Variants in SNX13 observed in about 807,000 individuals in gnomAD.
The protein encoded by SNX13 is sorting nexin 13.
In SNX13, 45 loss-of-function variants were observed where a neutral mutation model predicts 133.6. The observed-to-expected ratio is 0.34, with a 90% CI of 0.27 to 0.43. The LOEUF is 0.43. Among genes scored for constraint, SNX13 ranks in the 20% least tolerant of loss-of-function variants. SNX13 has a pLI of 1.00. For synonymous variants in SNX13, 414 were observed against 373.9 expected (o/e 1.11, Z -1.24); for missense variants, 1,032 against 1,145.1 (o/e 0.90, Z 1.43).
At chr7:17,919,988 G>T (rs1799954474) in intron 1 of SNX13, among the ~76,000 whole-genome samples, 1 of 151,844 alleles carries the variant, frequency 6.6e-6, no homozygotes, top group African/African-American at 2.4e-5. Context: ...TTAAATTAAT[G>T]AATGAGTAAA....
chr7:17,894,305 A>G (rs1796969372), intron 2 of SNX13, among the ~76,000 whole-genome samples: 1 of 152,162 alleles, frequency 6.6e-6, no homozygotes, highest in Non-Finnish European at 1.5e-5. Flanking sequence ...CAAAAAAAAA[A>G]AGAAAAGAAA....
chr7:17,851,443 G>T (rs1038644401), intron 9 of SNX13, among the ~76,000 whole-genome samples: 6 of 152,128 alleles, frequency 3.9e-5, no homozygotes, highest in Non-Finnish European at 7.4e-5. Context: ...GCCAAAATCA[G>T]AAAAAAGGAC....
chr7:17,885,478 T>C (rs781054332), intron 5 of SNX13, among the ~76,000 whole-genome samples: 1 of 152,186 alleles, frequency 6.6e-6, no homozygotes, highest in Admixed American at 6.5e-5. Context: ...AACTGTATAG[T>C]TTGTGAATTG....
Position 17,891,595 on chromosome 7 carries a change from A to G in SNX13, c.269T>C (p.Ile90Thr), listed in dbSNP as rs1796632379. 3.1e-6 allele frequency: 5 copies of G among 1,612,606 alleles called. No individual in the cohort carries two copies. Among genetic ancestry groups the G allele is most frequent in the Non-Finnish European group, 4.2e-6 (5 of 1,179,056 alleles). Residue 90 changes from isoleucine (I) to threonine (T), a missense_variant, in exon 4 of 26, where the codon ATT (isoleucine) becomes ACT (threonine). Coordinates refer to ENST00000428135, the MANE Select transcript of SNX13 (RefSeq NM_015132.5). The part of the protein sequence containing the change: ...EMKREARTIK[I>T]DRRLTGANII... ...ATTGGCACCCGTCAATCTTCTATCA[A>G]TCTTAATAGTCCTGGCTTCCCGTTT...
At chr7:17,886,871 T>C (rs532889469) in intron 5 of SNX13, among the ~76,000 whole-genome samples, 2 of 152,052 alleles carry the variant, frequency 1.3e-5, no homozygotes, top group East Asian at 1.9e-4. Flanking sequence ...GTTCACTCTA[T>C]CGCTACATGA....
intron 1 of SNX13, among the ~76,000 whole-genome samples, chr7:17,935,523 A>ATGTTAT (rs1491006860): frequency 1.3e-5 from 2 of 152,290 alleles, no homozygotes; most frequent in East Asian, 3.9e-4. Context: ...TCAAGGTGAT[A>ATGTTAT]TGTTATTCAG....
intron 1 of SNX13, among the ~76,000 whole-genome samples, chr7:17,931,239 C>T (rs1482074847): frequency 1.3e-5 from 2 of 152,140 alleles, no homozygotes; most frequent in African/African-American, 4.8e-5. Context: ...GAGAAAAATT[C>T]TGAGAAAACA....
chr7:17,820,402 G>A (rs1420385473), intron 18 of SNX13, among the ~76,000 whole-genome samples: 2 of 152,060 alleles, frequency 1.3e-5, no homozygotes, highest in Non-Finnish European at 2.9e-5. Flanking sequence ...TTTCTTCAAT[G>A]TGGGGCAGAA....
chr7:17,902,242 GTTTTTTTTTT>G (rs71010277), intron 1 of SNX13, among the ~76,000 whole-genome samples: 2 of 120,340 alleles, frequency 1.7e-5, no homozygotes, highest in South Asian at 2.9e-4. Flanking sequence ...TACTGTCATG[GTTTTTTTTTT>G]TTTTTTTTTT....
intron 7 of SNX13, among the ~76,000 whole-genome samples, chr7:17,874,157 T>C (rs1794427744): frequency 1.3e-5 from 2 of 152,306 alleles, no homozygotes; most frequent in East Asian, 1.9e-4. Flanking sequence ...AATTGACCCT[T>C]GAACAAAGAG....
chr7:17,805,392 T>C (rs186697822), intron 20 of SNX13, among the ~76,000 whole-genome samples: 347 of 152,230 alleles, frequency 2.3e-3, no homozygotes, highest in African/African-American at 6.3e-3. Flanking sequence ...TAATAACATA[T>C]AAATAAGCTA....
At chr7:17,815,998 T>C (rs1786610146) in intron 19 of SNX13, among the ~76,000 whole-genome samples, 184 bp downstream of exon 19, 1 of 152,156 alleles carries the variant, frequency 6.6e-6, no homozygotes, top group Non-Finnish European at 1.5e-5. Context: ...AATCAATACA[T>C]ACAGAAATAA....
intron 1 of SNX13, among the ~76,000 whole-genome samples, chr7:17,926,496 GA>G (rs762178187): frequency 6.6e-6 from 1 of 152,048 alleles, no homozygotes; most frequent in Non-Finnish European, 1.5e-5. Flanking sequence ...AACAAAATCA[GA>G]AAGTATACAT....
At chr7:17,907,772 G>A (rs985060208) in intron 1 of SNX13, among the ~76,000 whole-genome samples, 1 of 152,030 alleles carries the variant, frequency 6.6e-6, no homozygotes, top group Non-Finnish European at 1.5e-5. Context: ...AAATAAAAGG[G>A]ACCAAGAAAA....
intron 17 of SNX13, among the ~76,000 whole-genome samples, chr7:17,825,759 G>T (rs1036804618): frequency 6.6e-6 from 1 of 152,114 alleles, no homozygotes; most frequent in Non-Finnish European, 1.5e-5. Flanking sequence ...AAGAGGAAAA[G>T]AATGGTTTTA....
intron 1 of SNX13, among the ~76,000 whole-genome samples, chr7:17,934,377 T>A (rs972153918): frequency 1.3e-5 from 2 of 152,174 alleles, no homozygotes; most frequent in Admixed American, 6.5e-5. Context: ...GGTGGATAAT[T>A]TTAGATGTCA....
intron 9 of SNX13, among the ~76,000 whole-genome samples, chr7:17,858,869 G>C (rs1462203684): frequency 6.6e-6 from 1 of 152,080 alleles, no homozygotes; most frequent in Non-Finnish European, 1.5e-5. Context: ...TTATGAAAAA[G>C]TCTTTTCAAC....
intron 1 of SNX13, among the ~76,000 whole-genome samples, chr7:17,930,027 T>G (rs1351542683): frequency 2.0e-5 from 3 of 152,038 alleles, no homozygotes; most frequent in Non-Finnish European, 4.4e-5. Context: ...TTCTAAGTTT[T>G]GAAAATAAAC....
intron 22 of SNX13, among the ~76,000 whole-genome samples, chr7:17,799,799 G>A (rs746276293): frequency 6.6e-6 from 1 of 151,690 alleles, no homozygotes; most frequent in Non-Finnish European, 1.5e-5. Context: ...AAAGGAAGAC[G>A]ATCGGAATGC....
Sources: allele counts gnomAD v4.1 joint callset (sites outside exome capture counted in the v4.1 genomes callset), GRCh38; gene constraint gnomAD v4.1.1; transcripts MANE v1.5; gene names NCBI Gene and HGNC (gene_info 2026-07-23, HGNC 2026-07-21).